The following PODXL variants were observed in gnomAD, a reference collection of about 807,000 sequenced individuals.
PODXL encodes podocalyxin like.
PODXL carries 20 observed loss-of-function variants against 48.9 expected under a neutral mutation model. That is an observed-to-expected ratio of 0.41 (90% CI 0.29 to 0.59). The LOEUF is 0.59. PODXL is among the 20% of genes least tolerant of loss of function. The pLI, the probability that PODXL is intolerant of heterozygous loss-of-function variation, is 0.31. For synonymous variants in PODXL, 295 were observed against 287.4 expected (o/e 1.03, Z -0.27); for missense variants, 606 against 675.1 (o/e 0.90, Z 1.13).
intron 1 of PODXL, among the ~76,000 whole-genome samples, chr7:131,546,291 C>T (rs1380358807): frequency 6.6e-6 from 1 of 152,028 alleles, no homozygotes; most frequent in Admixed American, 6.6e-5. Flanking sequence ...GTACAGTGGG[C>T]GTGTCCAGGA....
chr7:131,518,757 G>A (rs1798047598), intron 1 of PODXL, among the ~76,000 whole-genome samples: 1 of 152,148 alleles, frequency 6.6e-6, no homozygotes, highest in South Asian at 2.1e-4. Context: ...AAACGGCGCC[G>A]CTGACAGAAA....
chr7:131,517,625 C>A (rs537490483), intron 1 of PODXL, among the ~76,000 whole-genome samples: 1 of 152,172 alleles, frequency 6.6e-6, no homozygotes, highest in African/African-American at 2.4e-5. Flanking sequence ...ATGCTCCCTC[C>A]GAAGACACCA....
chr7:131,520,778 A>T (rs1798079402), intron 1 of PODXL, among the ~76,000 whole-genome samples: 1 of 152,266 alleles, frequency 6.6e-6, no homozygotes, highest in Non-Finnish European at 1.5e-5. Context: ...GTCAAAGTTA[A>T]GAATTTGTGT....
intron 1 of PODXL, among the ~76,000 whole-genome samples, chr7:131,524,379 C>CACAGAGAG (rs746255906): frequency 9.3e-4 from 97 of 104,106 alleles, no homozygotes; most frequent in Admixed American, 2.0e-3. Context: ...CACACACACA[C>CACAGAGAG]AGAGAGAGAG....
In PODXL at chr7:131,504,215, T is replaced by TCTC. The variant is rs1011485736; in HGVS notation, c.*93_*95dup. The TCTC allele has an allele frequency of 4.2e-5, 43 of 1,022,142 alleles. No homozygotes were observed. The highest frequency in any genetic ancestry group is 5.7e-5 in the Non-Finnish European group (39 of 679,026). The allele number at this position is 1,022,142 out of a possible 1,614,324, so 63.3% of individuals were successfully genotyped here. On this transcript the variant is annotated 3_prime_UTR_variant, in exon 9 of 9. Coordinates refer to ENST00000378555, the MANE Select transcript of PODXL (RefSeq NM_001018111.3). Reference sequence around the variant, plus strand: ...GGAGGGGACACCCCTCGGAGTTCACTCTCCCTCCCCAGTCTTTCCCTTCCC... The same window carrying TCTC: ...GGAGGGGACACCCCTCGGAGTTCACTCTCCTCCCTCCCCAGTCTTTCCCTTCCC...
intron 1 of PODXL, among the ~76,000 whole-genome samples, chr7:131,540,740 G>A (rs950642934): frequency 2.0e-5 from 3 of 152,178 alleles, no homozygotes; most frequent in African/African-American, 7.2e-5. Flanking sequence ...ATAACCAGAT[G>A]TGTATGGGTT....
intron 1 of PODXL, among the ~76,000 whole-genome samples, chr7:131,538,705 C>T (rs558461477): frequency 6.6e-6 from 1 of 152,128 alleles, no homozygotes; most frequent in Non-Finnish European, 1.5e-5. Flanking sequence ...TGGTTCCTCT[C>T]CCTCTCAACT....
At position 131,511,879 on chromosome 7, in the gene PODXL, C is replaced by T. The variant is rs545677122; in HGVS notation, c.101-446G>A. ...GCTGTCATGCATGCCCTGCCCTCCC[C>T]GTCCAGCCCCACACACATCCCCTTT... On this transcript the variant is annotated intron_variant, in intron 1 of 8. Transcript: ENST00000378555. 2.6e-5 allele frequency among the ~76,000 whole-genome samples: 4 copies of T among 152,320 alleles called. No homozygotes were observed. The East Asian group carries it at 5.8e-4, about 22-fold the overall frequency.
At chr7:131,507,380 A>C (rs1309148739) in intron 5 of PODXL, among the ~76,000 whole-genome samples, 10 of 152,294 alleles carry the variant, frequency 6.6e-5, no homozygotes, top group Non-Finnish European at 1.3e-4. Flanking sequence ...TAGCTCTAAG[A>C]ACAAAGATTG....
intron 1 of PODXL, among the ~76,000 whole-genome samples, chr7:131,523,285 A>G (rs764610392): frequency 5.3e-5 from 8 of 152,240 alleles, no homozygotes; most frequent in Non-Finnish European, 1.0e-4. Context: ...ATCAAATCCA[A>G]CACTACATAG....
intron 1 of PODXL, among the ~76,000 whole-genome samples, chr7:131,536,363 T>C (rs1288719044): frequency 3.9e-5 from 6 of 152,162 alleles, no homozygotes; most frequent in African/African-American, 1.4e-4. Flanking sequence ...GCTGGTGCTG[T>C]CTACTGGTAT....
In PODXL at chr7:131,510,923, G is replaced by A. The variant is rs768227094; in HGVS notation, c.611C>T (p.Ser204Leu). 110 of 1,614,018 alleles carry A rather than the reference G, an allele frequency of 6.8e-5. No homozygotes were observed. The highest frequency in any genetic ancestry group is 1.0e-4 in the Admixed American group (6 of 59,992). ...STHPVATPTSSGHDHLMKISS... is the reference protein window; with the variant it reads ...STHPVATPTSLGHDHLMKISS... ...AATTTTCATAAGATGGTCATGTCCCGAGCTTGTTGGGGTGGCCACAGGATG... is the reference window on the plus strand; with the variant it reads ...AATTTTCATAAGATGGTCATGTCCCAAGCTTGTTGGGGTGGCCACAGGATG... The change falls in exon 2 of 9, where the codon TCG becomes TTG. Residue 204 changes from serine to leucine, a missense_variant. Transcript: ENST00000378555.
chr7:131,541,951 A>G (rs1798490259), intron 1 of PODXL, among the ~76,000 whole-genome samples: 1 of 152,102 alleles, frequency 6.6e-6, no homozygotes. Flanking sequence ...TCATCCCCTA[A>G]AAGTAGTTTC....
At chr7:131,537,807 A>G (rs575716720) in intron 1 of PODXL, among the ~76,000 whole-genome samples, 24 of 152,164 alleles carry the variant, frequency 1.6e-4, no homozygotes, top group African/African-American at 4.8e-4. Flanking sequence ...TTTCATATCA[A>G]TGGCATCACA....
chr7:131,504,515 T>G lies in PODXL; in HGVS notation c.1480-7A>C, dbSNP rs767356733. 1.2e-6 allele frequency: 2 copies of G among 1,613,710 alleles called. No individual in the cohort carries two copies. The highest frequency in any genetic ancestry group is 3.3e-5 in the Admixed American group (2 of 60,008). On this transcript the variant is annotated splice_region_variant and splice_polypyrimidine_tract_variant and intron_variant, in intron 8 of 8. Transcript: ENST00000378555. ...GCTCCTCTGTTAGCCGCTGCTAGAG[T>G]GGGGAAGGTGACCGGTGAGAAGGGG...
At chr7:131,531,058 CA>C (rs201185198) in intron 1 of PODXL, among the ~76,000 whole-genome samples, 1 of 149,542 alleles carries the variant, frequency 6.7e-6, no homozygotes, top group Non-Finnish European at 1.5e-5. Context: ...AACTCCGTCT[CA>C]AAAAAAAAAT....
chr7:131,535,533 A>C (rs1482695316), intron 1 of PODXL, among the ~76,000 whole-genome samples: 1 of 152,210 alleles, frequency 6.6e-6, no homozygotes, highest in Non-Finnish European at 1.5e-5. Context: ...GAGGTCACAC[A>C]CTTTTTCCAT....
At chr7:131,542,844 CAGAGCCAGGATCACA>C (rs1477547153) in intron 1 of PODXL, among the ~76,000 whole-genome samples, 1 of 152,150 alleles carries the variant, frequency 6.6e-6, no homozygotes, top group Non-Finnish European at 1.5e-5. Context: ...TAGGGAGAGG[CAGAGCCAGGATCACA>C]GGATCCAGAG....
chr7:131,556,079 G>A (rs1378353654), intron 1 of PODXL, among the ~76,000 whole-genome samples, 181 bp downstream of exon 1: 2 of 152,240 alleles, frequency 1.3e-5, no homozygotes, highest in African/African-American at 2.4e-5. Flanking sequence ...TGCACCTGCC[G>A]CGCTGCGGAG....
Sources: gnomAD v4.1 joint callset for allele counts (sites outside exome capture counted in the v4.1 genomes callset) on GRCh38, gnomAD v4.1.1 for gene constraint, MANE v1.5 for transcripts, NCBI Gene and HGNC (gene_info 2026-07-23, HGNC 2026-07-21) for gene names.